Variants in RXRB observed in about 807,000 individuals in gnomAD.
RXRB encodes retinoic acid receptor RXR-beta.
RXRB carries 18 observed loss-of-function variants against 52.5 expected under a neutral mutation model. The observed-to-expected ratio is 0.34, with a 90% confidence interval of 0.24 to 0.51. The LOEUF is 0.51. Among genes scored for constraint, RXRB ranks in the 20% least tolerant of loss-of-function variants. The probability of loss-of-function intolerance (pLI) is 0.97; values close to 1 mark genes in which losing one functional copy is unlikely to be tolerated. For missense variants in RXRB, 455 were observed against 698.2 expected (o/e 0.65, Z 3.92); for synonymous variants, 233 against 267.1 (o/e 0.87, Z 1.25).
rs1774419132 is a variant in RXRB at position 33,200,460 on chromosome 6, C to T, written c.17G>A (p.Arg6His). 7 of 1,592,550 alleles carry T rather than the reference C, an allele frequency of 4.4e-6. No homozygotes were observed. The highest frequency in any genetic ancestry group is 6.0e-6 in the Non-Finnish European group (7 of 1,171,884). MSWAA[R>H]PPFLPQRHAA... The stretch of plus-strand genomic sequence containing the variant: ...ATGCCGCTGAGGGAGGAAGGGCGGG[C>T]GAGCGGCCCAAGACATGATCCCTGG... The change falls in exon 1 of 10, where the codon CGC becomes CAC. Residue 6 changes from arginine (R) to histidine (H), a missense_variant. Transcript: ENST00000374680. The surrounding 1 kb of genome is among the most constrained non-coding windows in gnomAD (Gnocchi z 6.3).
intron 1 of RXRB, 115 bp from the exon 2 acceptor site, chr6:33,199,531 G>T: frequency 1.2e-6 from 1 of 814,348 alleles, no homozygotes; most frequent in Non-Finnish European, 1.7e-6. Flanking sequence ...ACCCCACCGT[G>T]CCGGACCCAG....
Position 33,194,400 on chromosome 6 carries a change from A to C in RXRB, c.*282T>G. On this transcript the variant is annotated 3_prime_UTR_variant, in exon 10 of 10. Coordinates refer to ENST00000374680, the MANE Select transcript of RXRB (RefSeq NM_021976.5). This position sits in a 1 kb window ranked among gnomAD's most constrained non-coding sequence, Gnocchi z 4.1. ...AAGGCCAGTGCTTTGTGCTGGGGGA[A>C]GGACAGAGGGTGAGAAATCACCCCA... 2.3e-6 allele frequency: 1 copy of C among 426,272 alleles called. No individual in the cohort carries two copies. Among genetic ancestry groups the C allele is most frequent in the Non-Finnish European group, 4.2e-6 (1 of 238,886 alleles). The allele number at this position is 426,272 out of a possible 1,614,324, so 26.4% of individuals were successfully genotyped here. A position where few individuals can be genotyped will look rare whatever the true frequency, so the allele number is the denominator to read the frequency against.
At position 33,197,693 on chromosome 6, in the gene RXRB, TAC is replaced by T; in HGVS notation, c.820+67_820+68del. On this transcript the variant is annotated intron_variant, in intron 4 of 9. Transcript: ENST00000374680. This position sits in a 1 kb window ranked among gnomAD's most constrained non-coding sequence, Gnocchi z 4.4. ...AGAGCAGTCCACCCTTCCAGAGAGG[TAC>T]ACAGTCTGAGTGGGATAAGGGAGAA... 6.9e-7 allele frequency: 1 copy of T among 1,449,456 alleles called. No homozygotes were observed. The highest frequency in any genetic ancestry group is 1.2e-5 in the South Asian group (1 of 83,710). 89.8% of individuals were successfully genotyped at this position (1,449,456 alleles called of 1,614,324 possible).
chr6:33,200,558 A>G lies in RXRB; in HGVS notation c.-82T>C. 1 of 1,497,218 alleles carries G rather than the reference A, an allele frequency of 6.7e-7. No homozygotes were observed. Among genetic ancestry groups the G allele is most frequent in the African/African-American group, 1.4e-5 (1 of 72,350 alleles). The allele number at this position is 1,497,218 out of a possible 1,614,324, so 92.7% of individuals were successfully genotyped here. A position where few individuals can be genotyped will look rare whatever the true frequency, so the allele number is the denominator to read the frequency against. ...TCGGAGGATTAGCTGAGCACGAGGA[A>G]GCCCCTGAGAGAAAGACTCTGGCCT... On this transcript the variant is annotated 5_prime_UTR_variant, in exon 1 of 10. Transcript: ENST00000374680. The surrounding 1 kb of genome is among the most constrained non-coding windows in gnomAD (Gnocchi z 6.3).
chr6:33,194,891 T>G lies in RXRB; in HGVS notation c.1454+54A>C, dbSNP rs1282729911. 1.2e-6 allele frequency: 2 copies of G among 1,611,016 alleles called. No individual in the cohort carries two copies. Among genetic ancestry groups the G allele is most frequent in the African/African-American group, 2.7e-5 (2 of 74,846 alleles). ...AAGCACACGGGCCCTGAACACATCC[T>G]CATAGCACTCCCCACCCCCAAGGGA... On this transcript the variant is annotated intron_variant, in intron 9 of 9. Coordinates refer to ENST00000374680, the MANE Select transcript of RXRB (RefSeq NM_021976.5). This position sits in a 1 kb window ranked among gnomAD's most constrained non-coding sequence, Gnocchi z 4.1.
At position 33,196,509 on chromosome 6, in the gene RXRB, C is replaced by T. The variant is rs768136601; in HGVS notation, c.918G>A (p.Glu306=). The T allele has an allele frequency of 4.3e-6, 7 of 1,613,080 alleles. No individual in the cohort carries two copies. Among genetic ancestry groups the T allele is most frequent in the Non-Finnish European group, 5.9e-6 (7 of 1,180,018 alleles). The change falls in exon 5 of 10, where the codon GAG becomes GAA. Residue 306 remains glutamate (E), a synonymous_variant. Coordinates refer to ENST00000374680, the MANE Select transcript of RXRB (RefSeq NM_021976.5). The surrounding 1 kb of genome is among the most constrained non-coding windows in gnomAD (Gnocchi z 4.0). ...TCTTCTGTTCCACAGCAAGCTCTGCCTCCAGGATCCTGTCCACAGGCATCT... is the reference window on the plus strand; with the variant it reads ...TCTTCTGTTCCACAGCAAGCTCTGCTTCCAGGATCCTGTCCACAGGCATCT... ...PEEMPVDRIL[E]AELAVEQKSD...
intron 2 of RXRB, chr6:33,198,704 G>A: frequency 1.5e-6 from 1 of 656,332 alleles, no homozygotes; most frequent in Non-Finnish European, 2.8e-6. Flanking sequence ...TCTTGGGAAA[G>A]CAGATGGGAT....
Position 33,197,748 on chromosome 6 carries a change from G to T in RXRB, c.820+14C>A. 5 of 1,613,366 alleles carry T rather than the reference G, an allele frequency of 3.1e-6. No individual in the cohort carries two copies. The highest frequency in any genetic ancestry group is 4.2e-6 in the Non-Finnish European group (5 of 1,179,766). ...GCATGTGGTCTAAGACGCCTGGGCAGGGCGGGTCCTTACCCTCCCTCTTCA... is the reference window on the plus strand; with the variant it reads ...GCATGTGGTCTAAGACGCCTGGGCATGGCGGGTCCTTACCCTCCCTCTTCA... On this transcript the variant is annotated intron_variant, in intron 4 of 9. Transcript: ENST00000374680. This position sits in a 1 kb window ranked among gnomAD's most constrained non-coding sequence, Gnocchi z 4.4.
rs1310388890 is a variant in RXRB at position 33,195,526 on chromosome 6, C to G, written c.1256+44G>C. 1 of 1,613,024 alleles carries G rather than the reference C, an allele frequency of 6.2e-7. No individual in the cohort carries two copies. The highest frequency in any genetic ancestry group is 1.3e-5 in the African/African-American group (1 of 75,038). On this transcript the variant is annotated intron_variant, in intron 7 of 9. Coordinates refer to ENST00000374680, the MANE Select transcript of RXRB (RefSeq NM_021976.5). The surrounding 1 kb of genome is among the most constrained non-coding windows in gnomAD (Gnocchi z 8.6). ...CTTGGACACGGACCAGCCTATAGCC[C>G]CACCCCCTCTATCTACATGCCAGCC...
At chr6:33,198,650 C>A (rs191032958) in intron 2 of RXRB, 186 bp from the exon 3 acceptor site, 1 of 706,368 alleles carries the variant, frequency 1.4e-6, no homozygotes, top group East Asian at 2.7e-5. Flanking sequence ...AATAAACAGG[C>A]CCCCCCTGAA....
rs1774221825 is a variant in RXRB, at chr6:33,199,334, G to T, written c.318C>A (p.Pro106=). Reference sequence around the variant, plus strand: ...CTCCAAGGGATGGAGCTGTTGAAGGGGGTAGGGGTGGCCCAGGAGGAGAAG... The same window carrying T: ...CTCCAAGGGATGGAGCTGTTGAAGGTGGTAGGGGTGGCCCAGGAGGAGAAG... ...PPPSPPGPPL[P]PSTAPSLGGS... is the part of the protein sequence containing the mutation. Residue 106 remains proline (P), a synonymous_variant, in exon 2 of 10, where the codon CCC becomes CCA. Transcript: ENST00000374680. 9.2e-6 allele frequency: 11 copies of T among 1,198,654 alleles called. No homozygotes were observed. The South Asian group carries it at 4.2e-4, about 45-fold the overall frequency. 74.3% of individuals were successfully genotyped at this position (1,198,654 alleles called of 1,614,324 possible). A position where few individuals can be genotyped will look rare whatever the true frequency, so the allele number is the denominator to read the frequency against.
chr6:33,197,722 G>A lies in RXRB; in HGVS notation c.820+40C>T. On this transcript the variant is annotated intron_variant, in intron 4 of 9. Transcript: ENST00000374680. The surrounding 1 kb of genome is among the most constrained non-coding windows in gnomAD (Gnocchi z 4.4). ...CAGTCTGAGTGGGATAAGGGAGAAGGGCATGTGGTCTAAGACGCCTGGGCA... is the reference window on the plus strand; with the variant it reads ...CAGTCTGAGTGGGATAAGGGAGAAGAGCATGTGGTCTAAGACGCCTGGGCA... The A allele has an allele frequency of 6.3e-7, 1 of 1,597,372 alleles. No individual in the cohort carries two copies. Among genetic ancestry groups the A allele is most frequent in the Non-Finnish European group, 8.6e-7 (1 of 1,166,882 alleles).
At position 33,195,069 on chromosome 6, in the gene RXRB, G is replaced by A. The variant is rs997661723; in HGVS notation, c.1349-19C>T. The A allele has an allele frequency of 1.3e-6, 2 of 1,552,050 alleles. No homozygotes were observed. The highest frequency in any genetic ancestry group is 1.8e-6 in the Non-Finnish European group (2 of 1,124,988). ...TTGGCATCTGGGATGGCAGGGAAGA[G>A]AGGAGGAAGAGAAATGAAGACAAAC... On this transcript the variant is annotated intron_variant, in intron 8 of 9. Coordinates refer to ENST00000374680, the MANE Select transcript of RXRB (RefSeq NM_021976.5). This position sits in a 1 kb window ranked among gnomAD's most constrained non-coding sequence, Gnocchi z 8.6.
At position 33,200,348 on chromosome 6, in the gene RXRB, C is replaced by T. The variant is rs1260700684; in HGVS notation, c.129G>A (p.Leu43=). The change falls in exon 1 of 10, where the codon CTG becomes CTA. Residue 43 remains leucine (L), a synonymous_variant. Coordinates refer to ENST00000374680, the MANE Select transcript of RXRB (RefSeq NM_021976.5). This position sits in a 1 kb window ranked among gnomAD's most constrained non-coding sequence, Gnocchi z 6.3. ...ASRWRRRRPW[L]DPAAAAAAAV... Reference sequence around the variant, plus strand: ...CCGCCGCCGCCGCCGCTGCGGGATCCAGCCAGGGCCGTCGCCGCCGCCACC... The same window carrying T: ...CCGCCGCCGCCGCCGCTGCGGGATCTAGCCAGGGCCGTCGCCGCCGCCACC... 6.3e-7 allele frequency: 1 copy of T among 1,576,620 alleles called. No homozygotes were observed. Among genetic ancestry groups the T allele is most frequent in the South Asian group, 1.1e-5 (1 of 87,634 alleles).
In RXRB at chr6:33,198,289, C is replaced by T. The variant is rs1158401564; in HGVS notation, c.640+19G>A. On this transcript the variant is annotated intron_variant, in intron 3 of 9. Coordinates refer to ENST00000374680, the MANE Select transcript of RXRB (RefSeq NM_021976.5). ...ATGGCCCAGACTCTCCCTCTCTGTT[C>T]ATCCTCTGAGCCACATACCTGAGCT... 1 of 1,612,850 alleles carries T rather than the reference C, an allele frequency of 6.2e-7. No homozygotes were observed. The highest frequency in any genetic ancestry group is 8.5e-7 in the Non-Finnish European group (1 of 1,179,936).
At position 33,196,533 on chromosome 6, in the gene RXRB, C is replaced by T; in HGVS notation, c.894G>A (p.Glu298=). 6.2e-7 allele frequency: 1 copy of T among 1,612,944 alleles called. No homozygotes were observed. Among genetic ancestry groups the T allele is most frequent in the Non-Finnish European group, 8.5e-7 (1 of 1,179,922 alleles). Residue 298 remains glutamate (E), a synonymous_variant, in exon 5 of 10, where the codon GAG becomes GAA. Coordinates refer to ENST00000374680, the MANE Select transcript of RXRB (RefSeq NM_021976.5). This position sits in a 1 kb window ranked among gnomAD's most constrained non-coding sequence, Gnocchi z 4.0. ...DGEGAGGAPE[E]MPVDRILEAE... The stretch of plus-strand genomic sequence containing the variant: ...CCTCCAGGATCCTGTCCACAGGCAT[C>T]TCCTCGGGGGCTCCCCCAGCCCCCT...
At position 33,194,778 on chromosome 6, in the gene RXRB, C is replaced by T; in HGVS notation, c.1506G>A (p.Lys502=). ...RLPALRSIGL[K]CLEHLFFFKL... ...TGAAGAAAAACAGATGCTCTAGACA[C>T]TTAAGGCCAATGGACCGGAGGGCAG... The change falls in exon 10 of 10, where the codon AAG becomes AAA. Residue 502 remains lysine (K), a synonymous_variant. Transcript: ENST00000374680. This position sits in a 1 kb window ranked among gnomAD's most constrained non-coding sequence, Gnocchi z 4.1. The T allele has an allele frequency of 6.2e-7, 1 of 1,613,112 alleles. No individual in the cohort carries two copies. The highest frequency in any genetic ancestry group is 1.3e-5 in the African/African-American group (1 of 75,042).
In RXRB at chr6:33,199,237, A is replaced by T. The variant is rs1351515060; in HGVS notation, c.415T>A (p.Ser139Thr). The change falls in exon 2 of 10, where the codon TCC (serine) becomes ACC (threonine). Residue 139 changes from serine (S) to threonine (T), a missense_variant. Ser to Thr is a moderately conservative substitution (Grantham distance 58). Around this residue, in one of 4 missense-constraint regions of RXRB, gnomAD observed 225 missense variants for 258.6 expected, o/e 0.87. Transcript: ENST00000374680. ...LGSPFPVISS[S>T]MGSPGLPPPA... ...GGGGGCAGACCAGGGGACCCCATGG[A>T]AGAACTGATGACTGGAAAGGGAGAG... 1.6e-6 allele frequency: 2 copies of T among 1,220,548 alleles called. No homozygotes were observed. The allele number at this position is 1,220,548 out of a possible 1,614,324, so 75.6% of individuals were successfully genotyped here.
At position 33,196,749 on chromosome 6, in the gene RXRB, G is replaced by A. The variant is rs973229189; in HGVS notation, c.821-143C>T. The A allele has an allele frequency of 1.5e-4, 107 of 733,362 alleles. No individual in the cohort carries two copies. Among genetic ancestry groups the A allele is most frequent in the Middle Eastern group, 3.9e-4 (1 of 2,554 alleles). The allele number at this position is 733,362 out of a possible 1,614,324, so 45.4% of individuals were successfully genotyped here. A position where few individuals can be genotyped will look rare whatever the true frequency, so the allele number is the denominator to read the frequency against. The stretch of plus-strand genomic sequence containing the variant: ...ATTGGGGAAGTCACTAGAAAGGGTG[G>A]ACTGGGGGCAGCCCTGAAGGAAGGG... On this transcript the variant is annotated intron_variant, in intron 4 of 9. Transcript: ENST00000374680. This position sits in a 1 kb window ranked among gnomAD's most constrained non-coding sequence, Gnocchi z 4.0.
Sources: allele counts gnomAD v4.1 joint callset, GRCh38; gene constraint gnomAD v4.1.1; regional missense constraint gnomAD v4.1.1; non-coding constraint Gnocchi (gnomAD v3.1); transcripts MANE v1.5; gene names NCBI Gene and HGNC (gene_info 2026-07-23, HGNC 2026-07-21).